PSG2: variants seen among roughly 807,000 people sequenced by gnomAD.
PSG2 encodes the protein pregnancy specific beta-1-glycoprotein 2, also known as pregnancy-specific beta-1-glycoprotein 2.
Under a neutral mutation model 36.2 loss-of-function variants are expected in PSG2, and 49 were observed. The ratio of observed to expected loss-of-function variants is 1.35; its 90% confidence interval spans 1.08 to 1.72. PSG2 has a LOEUF of 1.72. Ranked by LOEUF, PSG2 falls within the 40% of genes most tolerant of loss-of-function variation. The pLI is 0.00. For missense variants in PSG2, 605 were observed against 407.2 expected (o/e 1.49, Z -4.18); for synonymous variants, 261 against 155.6 (o/e 1.68, Z -5.04).
intron 2 of PSG2, among the ~76,000 whole-genome samples, chr19:43,079,594 C>A (rs892361688): frequency 6.6e-6 from 1 of 151,586 alleles, no homozygotes; most frequent in African/African-American, 2.4e-5. Flanking sequence ...TCTCCTTGAT[C>A]CTCTCATGAC....
rs1422533452 is a variant in PSG2, at chr19:43,067,798, G to T, written c.965-1198C>A. ...AAAAGAATGGTATGAAGAAAGCACT[G>T]TCATTGCAATATTCAGGTAAGGAAT... On this transcript the variant is annotated intron_variant, in intron 4 of 5. Coordinates refer to ENST00000406487, the MANE Select transcript of PSG2 (RefSeq NM_031246.4). Among the ~76,000 whole-genome samples the T allele has an allele frequency of 4.0e-5, 6 of 151,270 alleles. 1 individual carries two copies. Among genetic ancestry groups the T allele is most frequent in the Non-Finnish European group, 7.4e-5 (5 of 67,954 alleles).
At chr19:43,082,112 TTTCTTCTCTC>T in intron 1 of PSG2, 3 of 123,632 alleles carry the variant, frequency 2.4e-5, no homozygotes, top group African/African-American at 8.8e-5. Flanking sequence ...CTTTTATTTC[TTTCTTCTCTC>T]TTTTTTTTTT....
chr19:43,077,552 C>T (rs1338168635), intron 2 of PSG2, among the ~76,000 whole-genome samples: 5 of 151,606 alleles, frequency 3.3e-5, no homozygotes, highest in South Asian at 4.1e-4. Flanking sequence ...GCTCATGTGT[C>T]TCCCCACAAG....
intron 2 of PSG2, among the ~76,000 whole-genome samples, chr19:43,076,280 A>G (rs1044468930): frequency 4.0e-5 from 6 of 151,674 alleles, no homozygotes; most frequent in Non-Finnish European, 7.4e-5. Context: ...AAGATAGAGC[A>G]GAGTCCAAGG....
intron 5 of PSG2, chr19:43,065,367 G>C (rs1226704636): frequency 6.6e-6 from 1 of 151,504 alleles, no homozygotes; most frequent in Non-Finnish European, 1.5e-5. Context: ...GGTAATTCCA[G>C]TACTTTTAGC....
Position 43,076,247 on chromosome 19 carries a change from G to C in PSG2, c.431-615C>G, listed in dbSNP as rs574396060. On this transcript the variant is annotated intron_variant, in intron 2 of 5. Transcript: ENST00000406487. ...AGTTTTCCCAGGTGTCTCATAGTGA[G>C]TGACTTGAGCCAGTGACCTCTAAAG... 6.9e-4 allele frequency among the ~76,000 whole-genome samples: 104 copies of C among 151,690 alleles called. 1 individual carries two copies. The highest frequency in any genetic ancestry group is 2.1e-3 in the South Asian group (10 of 4,810).
At chr19:43,075,977 C>T (rs1159772208) in intron 2 of PSG2, among the ~76,000 whole-genome samples, 5 of 151,592 alleles carry the variant, frequency 3.3e-5, no homozygotes, top group African/African-American at 1.2e-4. Context: ...TCACTTGGAG[C>T]ATGCAGTGCT....
intron 2 of PSG2, among the ~76,000 whole-genome samples, chr19:43,078,202 G>T (rs1226194124): frequency 6.6e-6 from 1 of 151,744 alleles, no homozygotes; most frequent in Non-Finnish European, 1.5e-5. Flanking sequence ...GAGGAATTTA[G>T]TTTATGGTTT....
At chr19:43,075,999 A>G (rs1181575238) in intron 2 of PSG2, among the ~76,000 whole-genome samples, 1 of 151,602 alleles carries the variant, frequency 6.6e-6, no homozygotes, top group Admixed American at 6.6e-5. Context: ...GAATCTTCTT[A>G]GTTTCAGTCT....
At chr19:43,079,352 G>T (rs374840338) in intron 2 of PSG2, among the ~76,000 whole-genome samples, 23 of 151,498 alleles carry the variant, frequency 1.5e-4, no homozygotes, top group South Asian at 6.3e-4. Context: ...TGCTTTAGGG[G>T]CAAGAGGTAG....
At chr19:43,065,568 T>A (rs1218578297) in intron 5 of PSG2, 1 of 151,668 alleles carries the variant, frequency 6.6e-6, no homozygotes, top group Admixed American at 6.6e-5. Context: ...GATTCCAATG[T>A]GTAGCTCTAT....
intron 5 of PSG2, among the ~76,000 whole-genome samples, chr19:43,066,125 C>G (rs1381511723): frequency 6.6e-6 from 1 of 151,568 alleles, no homozygotes; most frequent in East Asian, 1.9e-4. Flanking sequence ...GGTAATGAGG[C>G]AATCATATGC....
chr19:43,070,216 G>A (rs1358948643), intron 4 of PSG2, among the ~76,000 whole-genome samples: 1 of 151,612 alleles, frequency 6.6e-6, no homozygotes, highest in Admixed American at 6.6e-5. Context: ...TTTTCAAGCA[G>A]ATGGAAAAAT....
intron 3 of PSG2, chr19:43,072,418 G>C (rs1023876600): frequency 6.2e-7 from 1 of 1,612,532 alleles, no homozygotes; most frequent in African/African-American, 1.3e-5. Flanking sequence ...CACATTCATA[G>C]GGTCCTGTTT....
At position 43,066,009 on chromosome 19, in the gene PSG2, A is replaced by T. The variant is rs553229606; in HGVS notation, c.*40+508T>A. On this transcript the variant is annotated intron_variant, in intron 5 of 5. Transcript: ENST00000406487. ...GGATTTATACTAGGAAGTAGAGGTA[A>T]AGGAAGTGAGAAGCCTTAGTAAATA... The T allele has an allele frequency of 2.5e-5, 4 of 157,644 alleles. No homozygotes were observed. In the South Asian group the frequency reaches 5.5e-4, roughly 22 times the overall value. 9.8% of individuals were successfully genotyped at this position (157,644 alleles called of 1,614,324 possible).
rs1222170843 is a variant in PSG2 at position 43,082,559 on chromosome 19, A to T, written c.11T>A (p.Leu4His). The T allele has an allele frequency of 6.2e-7, 1 of 1,611,760 alleles. No individual in the cohort carries two copies. The highest frequency in any genetic ancestry group is 8.5e-7 in the Non-Finnish European group (1 of 1,178,984). MGP[L>H]SAPPCTEHIK... ...GTGCTCTGTGCAGGGAGGGGCTGAG[A>T]GGGGCCCCATGGTCTCTGCTGCCTG... The change falls in exon 1 of 6, where the codon CTC becomes CAC. Residue 4 changes from leucine to histidine, a missense_variant. Physicochemically the swap from Leu to His is moderately conservative, Grantham distance 99 (BLOSUM62 -3). Coordinates refer to ENST00000406487, the MANE Select transcript of PSG2 (RefSeq NM_031246.4).
At chr19:43,070,690 C>T (rs568770265) in intron 4 of PSG2, among the ~76,000 whole-genome samples, 4 of 151,390 alleles carry the variant, frequency 2.6e-5, no homozygotes, top group Admixed American at 1.3e-4. Flanking sequence ...GCTAAGGGTT[C>T]GAGGGAGAAG....
At chr19:43,066,776 A>G (rs1967745573) in intron 4 of PSG2, among the ~76,000 whole-genome samples, 176 bp from the exon 5 acceptor site, 1 of 150,470 alleles carries the variant, frequency 6.6e-6, no homozygotes, top group Admixed American at 6.6e-5. Context: ...TTTCCCTCTC[A>G]CCATGTGTCT....
Position 43,082,529 on chromosome 19 carries a change from TTGA to T in PSG2, c.38_40del (p.Ile13del), listed in dbSNP as rs1967995965. The T allele has an allele frequency of 6.2e-7, 1 of 1,611,890 alleles. No individual in the cohort carries two copies. The highest frequency in any genetic ancestry group is 1.7e-5 in the Admixed American group (1 of 59,892). ...ACCTGTGACCAGGAGCCCCTTCCAT[TTGA>T]TGTGCTCTGTGCAGGGAGGGGCTGA... On this transcript the variant is annotated inframe_deletion, in exon 1 of 6. Coordinates refer to ENST00000406487, the MANE Select transcript of PSG2 (RefSeq NM_031246.4).
Sources: allele counts gnomAD v4.1 joint callset (sites outside exome capture counted in the v4.1 genomes callset), GRCh38; gene constraint gnomAD v4.1.1; transcripts MANE v1.5; gene names NCBI Gene and HGNC (gene_info 2026-07-23, HGNC 2026-07-21).